MFN2: variants seen among roughly 807,000 people sequenced by gnomAD.
The protein encoded by MFN2 is mitofusin-2.
Under a neutral mutation model 87.5 loss-of-function variants are expected in MFN2, and 43 were observed. The ratio of observed to expected loss-of-function variants is 0.49; its 90% CI spans 0.38 to 0.63. MFN2 has a LOEUF of 0.63. MFN2 is among the 30% of genes least tolerant of loss of function. The pLI is 0.00. For synonymous variants in MFN2, 337 were observed against 359.9 expected, an observed-to-expected ratio of 0.94 and a Z score of 0.72; for missense variants, 743 against 972.8, an observed-to-expected ratio of 0.76 and a Z score of 3.14.
intron 2 of MFN2, among the ~76,000 whole-genome samples, chr1:11,987,671 C>T (rs996667611): frequency 1.3e-5 from 2 of 150,348 alleles, no homozygotes; most frequent in Non-Finnish European, 3.0e-5. Flanking sequence ...TGGTGGCTCA[C>T]GCCTTTAATC....
chr1:12,009,611 G>T lies in MFN2; in HGVS notation c.2089G>T (p.Ala697Ser). Residue 697 changes from alanine to serine, a missense_variant, in exon 18 of 19, where the codon GCT (alanine) becomes TCT (serine). Ala to Ser is a moderately conservative substitution (Grantham distance 99, BLOSUM62 1). Around this residue, in one of 3 missense-constraint regions of MFN2, gnomAD observed 571 missense variants for 670.7 expected, o/e 0.85. Coordinates refer to ENST00000235329, the MANE Select transcript of MFN2 (RefSeq NM_014874.4). ...QVQQELSGTF[A>S]HLCQQVDVTR... ...CCCCAGGGAACTGTCTGGGACCTTT[G>T]CTCATCTGTGTCAGCAAGTTGACGT... 6.2e-7 allele frequency: 1 copy of T among 1,614,260 alleles called. No homozygotes were observed. Among genetic ancestry groups the T allele is most frequent in the Non-Finnish European group, 8.5e-7 (1 of 1,180,048 alleles).
chr1:11,996,333 C>T lies in MFN2; in HGVS notation c.474+15C>T. On this transcript the variant is annotated intron_variant, in intron 5 of 18. Transcript: ENST00000235329. Reference sequence around the variant, plus strand: ...GGAGTGCCAAGGTGAGGGTGCCAGGCTGGCTGTCAGCCCTGTGCCTGCTGG... The same window carrying T: ...GGAGTGCCAAGGTGAGGGTGCCAGGTTGGCTGTCAGCCCTGTGCCTGCTGG... 1 of 1,613,866 alleles carries T rather than the reference C, an allele frequency of 6.2e-7. No individual in the cohort carries two copies. Among genetic ancestry groups the T allele is most frequent in the Non-Finnish European group, 8.5e-7 (1 of 1,179,954 alleles).
At chr1:12,000,898 G>A (rs1639141459) in intron 8 of MFN2, among the ~76,000 whole-genome samples, 1 of 152,198 alleles carries the variant, frequency 6.6e-6, no homozygotes, top group Non-Finnish European at 1.5e-5. Context: ...TCTTTGGCAC[G>A]CTCACTGCCA....
At chr1:11,997,032 C>G (rs1462545996) in intron 5 of MFN2, among the ~76,000 whole-genome samples, 9 of 120,290 alleles carry the variant, frequency 7.5e-5, no homozygotes, top group African/African-American at 2.6e-4. Flanking sequence ...GAGCGAGACT[C>G]CGTCTCAAAA....
chr1:12,007,684 G>C (rs1429205528), intron 17 of MFN2, among the ~76,000 whole-genome samples: 1 of 152,128 alleles, frequency 6.6e-6, no homozygotes, highest in Admixed American at 6.5e-5. Flanking sequence ...GTGTGTGGCA[G>C]ACCCTTTGCT....
chr1:12,002,322 C>T (rs142852908), intron 11 of MFN2, among the ~76,000 whole-genome samples: 136 of 152,370 alleles, frequency 8.9e-4, no homozygotes, highest in Non-Finnish European at 1.6e-3. Flanking sequence ...CTGTGCAGCA[C>T]GATTCCCTGT....
chr1:11,984,429 C>T (rs1007321437), intron 2 of MFN2, among the ~76,000 whole-genome samples: 2 of 152,104 alleles, frequency 1.3e-5, no homozygotes, highest in Non-Finnish European at 2.9e-5. Context: ...TGTAAAGCTG[C>T]CTTTAGCTCT....
intron 14 of MFN2, 54 bp from the exon 15 acceptor site, chr1:12,005,657 G>A (rs1569864822): frequency 1.4e-5 from 22 of 1,550,160 alleles, no homozygotes; most frequent in Middle Eastern, 1.7e-4. Context: ...GCTTGGTGCC[G>A]CTGTGGTGCA....
chr1:11,997,507 C>T, intron 6 of MFN2, 86 bp downstream of exon 6: 3 of 1,575,090 alleles, frequency 1.9e-6, no homozygotes, highest in Non-Finnish European at 2.6e-6. Flanking sequence ...GGTCCCTGGG[C>T]CCCATCCTTG....
chr1:11,996,019 T>G lies in MFN2; in HGVS notation c.312-137T>G. On this transcript the variant is annotated intron_variant, in intron 4 of 18. Transcript: ENST00000235329. ...TCATTTTAATAAACAGTGCCTACTC[T>G]TTGTCTCTCAGCACTGTCTGGGCAC... 8 of 1,074,578 alleles carry G rather than the reference T, an allele frequency of 7.4e-6. No individual in the cohort carries two copies. In the South Asian group the frequency reaches 1.0e-4, roughly 14 times the overall value. The allele number at this position is 1,074,578 out of a possible 1,614,324, so 66.6% of individuals were successfully genotyped here.
At chr1:12,007,328 C>T (rs1557534574) in intron 17 of MFN2, 79 bp downstream of exon 17, 1 of 1,541,506 alleles carries the variant, frequency 6.5e-7, no homozygotes. Flanking sequence ...ATCTCTCTTC[C>T]CACGTGGCCT....
intron 4 of MFN2, 21 bp downstream of exon 4, chr1:11,992,711 C>G: frequency 6.2e-7 from 1 of 1,614,182 alleles, no homozygotes; most frequent in Non-Finnish European, 8.5e-7. Context: ...GAGGCACCCA[C>G]CCTTTCTTTC....
chr1:11,996,389 A>T, intron 5 of MFN2, 71 bp downstream of exon 5: 1 of 1,583,276 alleles, frequency 6.3e-7, no homozygotes, highest in African/African-American at 1.3e-5. Context: ...GACACGGCTG[A>T]CCTCACCTCT....
At chr1:11,989,437 G>A (rs1638579699) in intron 3 of MFN2, 94 bp downstream of exon 3, 2 of 1,421,246 alleles carry the variant, frequency 1.4e-6, no homozygotes, top group South Asian at 1.2e-5. Flanking sequence ...TCTGCTCCCA[G>A]GGAAGTCATA....
Position 12,005,710 on chromosome 1 carries a change from G to A in MFN2, c.1496-1G>A. The A allele has an allele frequency of 6.2e-7, 1 of 1,614,092 alleles. No individual in the cohort carries two copies. The highest frequency in any genetic ancestry group is 8.5e-7 in the Non-Finnish European group (1 of 1,179,952). On this transcript the variant is annotated splice_acceptor_variant, in intron 14 of 18. Transcript: ENST00000235329. LOFTEE classifies it high-confidence loss of function. ...TTTTCCTCCATTTCTCTTCCTGACA[G>A]ATGGCTTGAAACCCCTCCTTCCTGT...
At position 12,003,105 on chromosome 1, in the gene MFN2, C is replaced by T. The variant is rs1020826119; in HGVS notation, c.1161-887C>T. On this transcript the variant is annotated intron_variant, in intron 11 of 18. Coordinates refer to ENST00000235329, the MANE Select transcript of MFN2 (RefSeq NM_014874.4). The surrounding 1 kb of genome is among the most constrained non-coding windows in gnomAD (Gnocchi z 4.1). Reference sequence around the variant, plus strand: ...TAGATTTTTTTTTTGCTATTGGAAACCCTACTGCAGTGGACATTTGTTCAT... The same window carrying T: ...TAGATTTTTTTTTTGCTATTGGAAATCCTACTGCAGTGGACATTTGTTCAT... Among the ~76,000 whole-genome samples the T allele has an allele frequency of 2.0e-5, 3 of 152,034 alleles. No individual in the cohort carries two copies. Among genetic ancestry groups the T allele is most frequent in the South Asian group, 4.1e-4 (2 of 4,832 alleles).
In MFN2 at chr1:12,011,825, A is replaced by G; in HGVS notation, c.*260A>G. 1 of 561,712 alleles carries G rather than the reference A, an allele frequency of 1.8e-6. No individual in the cohort carries two copies. Among genetic ancestry groups the G allele is most frequent in the African/African-American group, 1.9e-5 (1 of 53,208 alleles). 34.8% of individuals were successfully genotyped at this position (561,712 alleles called of 1,614,324 possible). A position where few individuals can be genotyped will look rare whatever the true frequency, so the allele number is the denominator to read the frequency against. On this transcript the variant is annotated 3_prime_UTR_variant, in exon 19 of 19. Transcript: ENST00000235329. ...TGGACAGCATGGTACCAAGGAGTTA[A>G]GTTGAGGCTTTTTCCAGCTTTCTCT... is the stretch of plus-strand genomic sequence containing the variant.
intron 17 of MFN2, among the ~76,000 whole-genome samples, chr1:12,007,716 A>T (rs1639482457): frequency 6.6e-6 from 1 of 150,972 alleles, no homozygotes; most frequent in Non-Finnish European, 1.5e-5. Flanking sequence ...GCACCTAATT[A>T]TTTCTCTGAC....
Position 11,989,245 on chromosome 1 carries a change from C to T in MFN2, c.77C>T (p.Ala26Val). The change falls in exon 3 of 19, where the codon GCA becomes GTA. Residue 26 changes from alanine to valine, a missense_variant. Around this residue, in one of 3 missense-constraint regions of MFN2, gnomAD observed 141 missense variants for 278.9 expected, o/e 0.51. Coordinates refer to ENST00000235329, the MANE Select transcript of MFN2 (RefSeq NM_014874.4). ...AAGAGACACATGGCTGAGGTGAATGCATCCCCACTTAAGCACTTTGTCACT... is the reference window on the plus strand; with the variant it reads ...AAGAGACACATGGCTGAGGTGAATGTATCCCCACTTAAGCACTTTGTCACT... ...KNKRHMAEVN[A>V]SPLKHFVTAK... 1 of 1,614,106 alleles carries T rather than the reference C, an allele frequency of 6.2e-7. No individual in the cohort carries two copies. Among genetic ancestry groups the T allele is most frequent in the South Asian group, 1.1e-5 (1 of 91,078 alleles).
Sources: allele counts gnomAD v4.1 joint callset (sites outside exome capture counted in the v4.1 genomes callset), GRCh38; gene constraint gnomAD v4.1.1; regional missense constraint gnomAD v4.1.1; non-coding constraint Gnocchi (gnomAD v3.1); transcripts MANE v1.5; gene names NCBI Gene and HGNC (gene_info 2026-07-23, HGNC 2026-07-21).